Variants in ROR1 observed in about 807,000 individuals in gnomAD.
ROR1 encodes the protein ROR family WNT receptor 1, also known as inactive tyrosine-protein kinase transmembrane receptor ROR1.
A neutral mutation model predicts 78.8 loss-of-function variants in ROR1; 19 were observed. The ratio of observed to expected loss-of-function variants is 0.24; its 90% CI spans 0.17 to 0.35. The LOEUF (loss-of-function observed/expected upper bound fraction) is 0.35, where lower values mean the gene tolerates loss of function less well. Ranked by LOEUF, ROR1 falls within the 10% of genes least tolerant of loss-of-function variation. The pLI is 1.00. For synonymous variants in ROR1, 386 were observed against 433.6 expected, an observed-to-expected ratio of 0.89 and a Z score of 1.36; for missense variants, 917 against 1,177.8, an observed-to-expected ratio of 0.78 and a Z score of 3.24.
intron 1 of ROR1, among the ~76,000 whole-genome samples, chr1:63,896,629 T>C (rs1385115642): frequency 6.6e-6 from 1 of 152,146 alleles, no homozygotes; most frequent in African/African-American, 2.4e-5. Flanking sequence ...CGGAAATGAC[T>C]GGCAGGACAC....
At chr1:64,156,650 T>C (rs895810970) in intron 7 of ROR1, among the ~76,000 whole-genome samples, 1 of 138,444 alleles carries the variant, frequency 7.2e-6, no homozygotes, top group Non-Finnish European at 1.5e-5. Flanking sequence ...GACGTTGCAG[T>C]GAGCCGAGAT....
chr1:63,826,270 A>G (rs1228239110), intron 1 of ROR1, among the ~76,000 whole-genome samples: 5 of 151,872 alleles, frequency 3.3e-5, no homozygotes, highest in Non-Finnish European at 7.4e-5. Flanking sequence ...TATATGCCCT[A>G]GTGTGTTGTT....
chr1:63,907,924 A>G (rs1182890427), intron 1 of ROR1, among the ~76,000 whole-genome samples: 1 of 152,132 alleles, frequency 6.6e-6, no homozygotes, highest in Non-Finnish European at 1.5e-5. Context: ...CCTCAGTCTT[A>G]TTTATGAATC....
At chr1:64,028,591 G>A (rs1370234293) in intron 2 of ROR1, among the ~76,000 whole-genome samples, 1 of 152,100 alleles carries the variant, frequency 6.6e-6, no homozygotes, top group East Asian at 1.9e-4. Flanking sequence ...TCTAGAAGAT[G>A]CAATTGCCAT....
At chr1:63,852,525 C>T (rs1645120784) in intron 1 of ROR1, among the ~76,000 whole-genome samples, 1 of 152,162 alleles carries the variant, frequency 6.6e-6, no homozygotes, top group Non-Finnish European at 1.5e-5. Flanking sequence ...TCACAGATGC[C>T]TTGAGAAATT....
At chr1:64,158,089 A>G (rs1028339523) in intron 7 of ROR1, among the ~76,000 whole-genome samples, 4 of 152,234 alleles carry the variant, frequency 2.6e-5, no homozygotes, top group Non-Finnish European at 5.9e-5. Flanking sequence ...TATATGCCTA[A>G]GTATTTGGTT....
At chr1:64,032,237 A>T (rs1299983783) in intron 2 of ROR1, among the ~76,000 whole-genome samples, 2 of 147,132 alleles carry the variant, frequency 1.4e-5, no homozygotes, top group African/African-American at 5.0e-5. Flanking sequence ...GCTACTCAGG[A>T]GGCTGAGGCA....
At chr1:64,014,738 C>CTATAT (rs1456430703) in intron 2 of ROR1, among the ~76,000 whole-genome samples, 3 of 9,078 alleles carry the variant, frequency 3.3e-4, no homozygotes, top group African/African-American at 5.2e-4. Flanking sequence ...CACATACGCA[C>CTATAT]ACTATATATA....
intron 2 of ROR1, among the ~76,000 whole-genome samples, chr1:64,039,327 T>C (rs1646727438): frequency 6.6e-6 from 1 of 152,154 alleles, no homozygotes; most frequent in South Asian, 2.1e-4. Flanking sequence ...TCTGGTCCTG[T>C]TTAACCAAGA....
chr1:63,852,411 G>C (rs582428), intron 1 of ROR1, among the ~76,000 whole-genome samples: 2 of 151,980 alleles, frequency 1.3e-5, no homozygotes, highest in Non-Finnish European at 2.9e-5. Flanking sequence ...TCCCTCTTTC[G>C]CACAACAGCC....
intron 7 of ROR1, among the ~76,000 whole-genome samples, chr1:64,157,311 T>A (rs1296080525): frequency 1.3e-5 from 2 of 152,066 alleles, no homozygotes; most frequent in East Asian, 1.9e-4. Flanking sequence ...CTAATTTTTT[T>A]AATTTTTTGT....
At chr1:63,902,777 A>T (rs1168113238) in intron 1 of ROR1, among the ~76,000 whole-genome samples, 1 of 152,162 alleles carries the variant, frequency 6.6e-6, no homozygotes, top group Non-Finnish European at 1.5e-5. Context: ...TGTAATGAAA[A>T]CAGGAGATAG....
chr1:63,939,616 G>A (rs1161040358), intron 1 of ROR1, among the ~76,000 whole-genome samples: 2 of 152,106 alleles, frequency 1.3e-5, no homozygotes, highest in African/African-American at 4.8e-5. Context: ...CTTTGGATTT[G>A]GATTCTGATT....
At chr1:63,817,096 C>T (rs987992578) in intron 1 of ROR1, among the ~76,000 whole-genome samples, 2 of 152,182 alleles carry the variant, frequency 1.3e-5, no homozygotes, top group African/African-American at 2.4e-5. Flanking sequence ...TATAGGATGC[C>T]TTCTAAATAT....
intron 8 of ROR1, chr1:64,171,224 G>C (rs1650231692): frequency 5.7e-6 from 1 of 174,488 alleles, no homozygotes; most frequent in African/African-American, 2.4e-5. Flanking sequence ...CACATGGCTG[G>C]GAGCGCCTCA....
chr1:63,895,237 TA>T (rs146369819), intron 1 of ROR1, among the ~76,000 whole-genome samples: 3,786 of 152,320 alleles, frequency 0.025, 70 homozygotes, highest in Non-Finnish European at 0.042. Context: ...TCTTGTAATA[TA>T]TTCTTGTTCT....
At chr1:63,809,950 A>C (rs1158947443) in intron 1 of ROR1, among the ~76,000 whole-genome samples, 3 of 152,228 alleles carry the variant, frequency 2.0e-5, no homozygotes, top group South Asian at 2.1e-4. Context: ...GAGAAATTTC[A>C]TAAAACAAAG....
chr1:64,047,673 G>A (rs1165181273), intron 2 of ROR1, among the ~76,000 whole-genome samples: 1 of 152,190 alleles, frequency 6.6e-6, no homozygotes, highest in East Asian at 1.9e-4. Context: ...AGAGCCATCT[G>A]CTAATTAGTC....
chr1:63,929,312 C>T (rs770529867), intron 1 of ROR1, among the ~76,000 whole-genome samples: 7 of 152,166 alleles, frequency 4.6e-5, no homozygotes, highest in Admixed American at 2.0e-4. Flanking sequence ...GAAATAGACA[C>T]GTATGTGTGA....
Sources: gnomAD v4.1 joint callset for allele counts (sites outside exome capture counted in the v4.1 genomes callset) on GRCh38, gnomAD v4.1.1 for gene constraint, MANE v1.5 for transcripts, NCBI Gene and HGNC (gene_info 2026-07-23, HGNC 2026-07-21) for gene names.